GNPTAB: variants seen among roughly 807,000 people sequenced by gnomAD.
GNPTAB encodes the protein N-acetylglucosamine-1-phosphotransferase subunits alpha/beta.
A neutral mutation model predicts 136.6 loss-of-function variants in GNPTAB; 92 were observed. That is an observed-to-expected ratio of 0.67 (90% CI 0.57 to 0.80). GNPTAB has a LOEUF of 0.80. Among genes scored for constraint, GNPTAB ranks in the 30% least tolerant of loss-of-function variants. The pLI, the probability that GNPTAB is intolerant of heterozygous loss-of-function variation, is 0.00. For missense variants in GNPTAB, 1,343 were observed against 1,501.8 expected (o/e 0.89, Z 1.75); for synonymous variants, 512 against 535.1 (o/e 0.96, Z 0.60).
chr12:101,802,034 C>T, intron 1 of GNPTAB, among the ~76,000 whole-genome samples: 1 of 151,342 alleles, frequency 6.6e-6, no homozygotes, highest in East Asian at 1.9e-4. Flanking sequence ...AACAACCAAA[C>T]AAACAAAAAC....
chr12:101,798,820 TGTTTCTTAC>T (rs1869448068), intron 1 of GNPTAB, among the ~76,000 whole-genome samples: 1 of 152,214 alleles, frequency 6.6e-6, no homozygotes. Flanking sequence ...TGATCTCTCA[TGTTTCTTAC>T]GTATTTTTCA....
At chr12:101,780,911 G>A (rs2137137980) in intron 5 of GNPTAB, among the ~76,000 whole-genome samples, 1 of 152,326 alleles carries the variant, frequency 6.6e-6, no homozygotes, top group Non-Finnish European at 1.5e-5. Context: ...ATGATAGGAT[G>A]ATAGAAATCA....
chr12:101,752,628 T>C (rs1372554806), intron 19 of GNPTAB, among the ~76,000 whole-genome samples: 1 of 152,202 alleles, frequency 6.6e-6, no homozygotes, highest in Admixed American at 6.5e-5. Flanking sequence ...CCCTGATCAT[T>C]CCCACCTCCA....
chr12:101,760,006 A>G (rs944558066), intron 16 of GNPTAB, 24 bp downstream of exon 16: 2 of 1,320,332 alleles, frequency 1.5e-6, no homozygotes, highest in East Asian at 2.3e-5. Context: ...TCTGTTGTAC[A>G]TAAAAGTAAC....
chr12:101,750,956 T>C (rs1952807392), intron 19 of GNPTAB, among the ~76,000 whole-genome samples: 1 of 152,164 alleles, frequency 6.6e-6, no homozygotes, highest in African/African-American at 2.4e-5. Flanking sequence ...GAAATGCTTA[T>C]ATACTTGTCT....
Position 101,749,154 on chromosome 12 carries a change from A to G in GNPTAB, c.3640T>C (p.Cys1214Arg). 3 of 1,612,910 alleles carry G rather than the reference A, an allele frequency of 1.9e-6. No individual in the cohort carries two copies. The highest frequency in any genetic ancestry group is 2.5e-6 in the Non-Finnish European group (3 of 1,179,020). The change falls in exon 20 of 21, where the codon TGT (cysteine) becomes CGT (arginine). Residue 1214 changes from cysteine to arginine, a missense_variant. Coordinates refer to ENST00000299314, the MANE Select transcript of GNPTAB (RefSeq NM_024312.5). ...AACATAATCAATGTTGCTAGTACAC[A>G]ATGGGTCCAAAACTTCAATTTGTCT... Reference protein sequence around the residue: ...YRDKLKFWTHCVLATLIMFTI... With the variant: ...YRDKLKFWTHRVLATLIMFTI...
chr12:101,752,902 CGCAATAAAAATTATAACT>C (rs1415610872), intron 19 of GNPTAB, among the ~76,000 whole-genome samples: 3 of 152,200 alleles, frequency 2.0e-5, no homozygotes, highest in Non-Finnish European at 4.4e-5. Context: ...AAATATTAAA[CGCAATAAAAATTATAACT>C]ATACATTTTA....
At chr12:101,827,062 C>T (rs1871124935) in intron 1 of GNPTAB, among the ~76,000 whole-genome samples, 1 of 151,382 alleles carries the variant, frequency 6.6e-6, no homozygotes, top group Admixed American at 6.6e-5. Context: ...ACACTCCTGC[C>T]ACAGCCTCCT....
chr12:101,819,017 T>C (rs1870662646), intron 1 of GNPTAB, among the ~76,000 whole-genome samples: 1 of 139,236 alleles, frequency 7.2e-6, no homozygotes, highest in Admixed American at 7.1e-5. Flanking sequence ...CTCTTTTTCC[T>C]TTTTTTTTTT....
intron 1 of GNPTAB, among the ~76,000 whole-genome samples, chr12:101,814,968 C>T (rs752423109): frequency 2.5e-4 from 38 of 152,258 alleles, no homozygotes; most frequent in Non-Finnish European, 4.0e-4. Flanking sequence ...AATATTATTA[C>T]GAAACTAGGT....
intron 1 of GNPTAB, among the ~76,000 whole-genome samples, chr12:101,814,849 C>A (rs1398946853): frequency 6.6e-6 from 1 of 152,104 alleles, no homozygotes; most frequent in East Asian, 1.9e-4. Flanking sequence ...TAATAGAAGA[C>A]AATATCTGTT....
Position 101,765,865 on chromosome 12 carries a change from CAAACA to C in GNPTAB, c.1612+221_1612+225del, listed in dbSNP as rs145655441. 0.082 allele frequency: 41,737 copies of C among 509,546 alleles called. 2,122 individuals carry two copies. The highest frequency in any genetic ancestry group is 0.17 in the South Asian group (8,252 of 48,732). The allele number at this position is 509,546 out of a possible 1,614,324, so 31.6% of individuals were successfully genotyped here. On this transcript the variant is annotated intron_variant, in intron 12 of 20. Coordinates refer to ENST00000299314, the MANE Select transcript of GNPTAB (RefSeq NM_024312.5). ...TCAGCTAAGGTAAATCTGCTTGGTC[CAAACA>C]AAACAAAACAAAACAAAACACCAGA...
chr12:101,783,310 A>T (rs1308404441), intron 5 of GNPTAB, among the ~76,000 whole-genome samples: 1 of 152,156 alleles, frequency 6.6e-6, no homozygotes, highest in African/African-American at 2.4e-5. Flanking sequence ...CCATTGACAC[A>T]TTTTAAAAGT....
At chr12:101,802,137 G>C (rs1271099253) in intron 1 of GNPTAB, among the ~76,000 whole-genome samples, 1 of 145,904 alleles carries the variant, frequency 6.9e-6, no homozygotes, top group Non-Finnish European at 1.5e-5. Flanking sequence ...GTTGGAGGCT[G>C]AAGTGAGCCA....
chr12:101,751,169 C>T (rs138349176), intron 19 of GNPTAB, among the ~76,000 whole-genome samples: 1 of 152,322 alleles, frequency 6.6e-6, no homozygotes, highest in African/African-American at 2.4e-5. Context: ...TTTTTCTCGA[C>T]ACAGGACTCT....
chr12:101,809,622 T>A (rs1870113134), intron 1 of GNPTAB, among the ~76,000 whole-genome samples: 1 of 152,140 alleles, frequency 6.6e-6, no homozygotes, highest in African/African-American at 2.4e-5. Flanking sequence ...GAAACTTAAA[T>A]GAATATTACT....
rs575591857 is a variant in GNPTAB, at chr12:101,801,950, G to A, written c.118-5188C>T. On this transcript the variant is annotated intron_variant, in intron 1 of 20. Coordinates refer to ENST00000299314, the MANE Select transcript of GNPTAB (RefSeq NM_024312.5). Reference sequence around the variant, plus strand: ...ACACCTGGAGTCCAGCTACTCAGGAGGCCAAGGCTGGAGGATGGCTTGAAG... The same window carrying A: ...ACACCTGGAGTCCAGCTACTCAGGAAGCCAAGGCTGGAGGATGGCTTGAAG... 3.3e-5 allele frequency among the ~76,000 whole-genome samples: 5 copies of A among 152,084 alleles called. No homozygotes were observed. The East Asian group carries it at 9.7e-4, about 29-fold the overall frequency.
At chr12:101,792,469 C>T (rs1397236172) in intron 2 of GNPTAB, among the ~76,000 whole-genome samples, 1 of 152,224 alleles carries the variant, frequency 6.6e-6, no homozygotes, top group Non-Finnish European at 1.5e-5. Context: ...AGAATAAGGT[C>T]TAAAGTCTTT....
At chr12:101,749,315 A>C in intron 19 of GNPTAB, 124 bp from the exon 20 acceptor site, 1 of 719,270 alleles carries the variant, frequency 1.4e-6, no homozygotes, top group Admixed American at 2.1e-5. Context: ...TTGTCTTGCA[A>C]TTCTAAAATG....
Sources: allele counts gnomAD v4.1 joint callset (sites outside exome capture counted in the v4.1 genomes callset), GRCh38; gene constraint gnomAD v4.1.1; transcripts MANE v1.5; gene names NCBI Gene and HGNC (gene_info 2026-07-23, HGNC 2026-07-21).